Variants in EYA1 observed in about 807,000 individuals in gnomAD.
EYA1 encodes the protein EYA transcriptional coactivator and phosphatase 1.
EYA1 carries 16 observed loss-of-function variants against 82.0 expected under a neutral mutation model. The ratio of observed to expected loss-of-function variants is 0.20; its 90% CI spans 0.13 to 0.30. The LOEUF (loss-of-function observed/expected upper bound fraction) is 0.30. Ranked by LOEUF, EYA1 falls within the 10% of genes least tolerant of loss-of-function variation. The probability of loss-of-function intolerance (pLI) is 1.00; values close to 1 mark genes in which losing one functional copy is unlikely to be tolerated. For synonymous variants in EYA1, 261 were observed against 264.4 expected (o/e 0.99, Z 0.12); for missense variants, 633 against 730.7 (o/e 0.87, Z 1.54).
At chr8:71,463,874 T>C (rs1338233239) in intron 2 of EYA1, among the ~76,000 whole-genome samples, 1 of 152,020 alleles carries the variant, frequency 6.6e-6, no homozygotes, top group Non-Finnish European at 1.5e-5. Flanking sequence ...CCCTAAATGT[T>C]TTCCCTCTTT....
chr8:71,520,566 AC>A (rs1813323995), intron 2 of EYA1, among the ~76,000 whole-genome samples: 1 of 152,182 alleles, frequency 6.6e-6, no homozygotes, highest in Non-Finnish European at 1.5e-5. Context: ...TTGTCTTGCC[AC>A]GTCTAATCCA....
intron 2 of EYA1, among the ~76,000 whole-genome samples, chr8:71,392,739 T>G (rs1829351377): frequency 6.6e-6 from 1 of 152,222 alleles, no homozygotes; most frequent in African/African-American, 2.4e-5. Flanking sequence ...TCATTTCTTC[T>G]AAAATTTCAA....
chr8:71,486,561 T>C (rs1347230029), intron 2 of EYA1, among the ~76,000 whole-genome samples: 2 of 152,170 alleles, frequency 1.3e-5, no homozygotes, highest in East Asian at 3.9e-4. Flanking sequence ...AAGCTGGCTA[T>C]GTGAGTTTCT....
intron 2 of EYA1, among the ~76,000 whole-genome samples, chr8:71,395,426 G>A (rs1829538708): frequency 6.6e-6 from 1 of 152,124 alleles, no homozygotes; most frequent in Non-Finnish European, 1.5e-5. Context: ...TTGGCTGTGG[G>A]TTTGTCATAG....
At chr8:71,495,513 G>A (rs945145206) in intron 2 of EYA1, among the ~76,000 whole-genome samples, 16 of 152,162 alleles carry the variant, frequency 1.1e-4, no homozygotes, top group Admixed American at 8.5e-4. Flanking sequence ...TCGGGAGGCT[G>A]AGGCAGAAGA....
At chr8:71,534,807 C>T (rs1814577892) in intron 2 of EYA1, among the ~76,000 whole-genome samples, 1 of 151,710 alleles carries the variant, frequency 6.6e-6, no homozygotes, top group Non-Finnish European at 1.5e-5. Flanking sequence ...GAGCAGCAAA[C>T]CACCATGTTG....
At chr8:71,385,051 C>T (rs1828901962) in intron 2 of EYA1, among the ~76,000 whole-genome samples, 1 of 151,584 alleles carries the variant, frequency 6.6e-6, no homozygotes, top group African/African-American at 2.4e-5. Context: ...ACTCTGTCAC[C>T]CAGGCTGGAG....
chr8:71,420,226 T>C (rs1831069689), intron 2 of EYA1, among the ~76,000 whole-genome samples: 1 of 152,214 alleles, frequency 6.6e-6, no homozygotes, highest in Non-Finnish European at 1.5e-5. Context: ...AATGTTGCTA[T>C]ATTTGGCTAA....
chr8:71,498,199 G>C (rs1029594418), intron 2 of EYA1, among the ~76,000 whole-genome samples: 1 of 152,130 alleles, frequency 6.6e-6, no homozygotes, highest in Non-Finnish European at 1.5e-5. Flanking sequence ...TGTGGATGTA[G>C]AGTGTTCTCA....
At chr8:71,511,534 C>T (rs990643439) in intron 2 of EYA1, among the ~76,000 whole-genome samples, 1 of 152,124 alleles carries the variant, frequency 6.6e-6, no homozygotes, top group Non-Finnish European at 1.5e-5. Flanking sequence ...AGGAAGATGA[C>T]TGACGGGTCA....
chr8:71,259,262 GAGA>G (rs1335742902), intron 11 of EYA1, among the ~76,000 whole-genome samples: 3 of 152,072 alleles, frequency 2.0e-5, no homozygotes, highest in Non-Finnish European at 4.4e-5. Context: ...CAGCAGACTG[GAGA>G]TGCCCGCCCA....
At chr8:71,227,639 A>C (rs1051283764) in intron 12 of EYA1, among the ~76,000 whole-genome samples, 2 of 152,216 alleles carry the variant, frequency 1.3e-5, no homozygotes, top group African/African-American at 4.8e-5. Flanking sequence ...AAAACAATGA[A>C]CTATAAGCTC....
chr8:71,423,748 A>G (rs1831271631), intron 2 of EYA1, among the ~76,000 whole-genome samples: 1 of 152,130 alleles, frequency 6.6e-6, no homozygotes. Context: ...ATGTACCCAC[A>G]TTTTTTTCTT....
chr8:71,523,291 G>T (rs1394522527), intron 2 of EYA1, among the ~76,000 whole-genome samples: 2 of 146,570 alleles, frequency 1.4e-5, no homozygotes, highest in Non-Finnish European at 3.0e-5. Flanking sequence ...CCATTCTCCT[G>T]CCTCAGCCTC....
chr8:71,440,722 C>G (rs1806370922), intron 2 of EYA1, among the ~76,000 whole-genome samples: 1 of 152,124 alleles, frequency 6.6e-6, no homozygotes, highest in African/African-American at 2.4e-5. Context: ...ACCTGTGTGT[C>G]ATTAGAGATA....
intron 1 of EYA1, among the ~76,000 whole-genome samples, chr8:71,541,095 C>T (rs996018072): frequency 2.0e-5 from 3 of 152,144 alleles, no homozygotes; most frequent in African/African-American, 7.2e-5. Context: ...CTTTGCCTTC[C>T]TAAGGAATTT....
At chr8:71,480,914 T>C (rs971499777) in intron 2 of EYA1, among the ~76,000 whole-genome samples, 1 of 152,320 alleles carries the variant, frequency 6.6e-6, no homozygotes, top group African/African-American at 2.4e-5. Context: ...AATGGCTTTT[T>C]TCCGTGGTCA....
chr8:71,226,478 G>T (rs1253818527), intron 12 of EYA1, among the ~76,000 whole-genome samples: 3 of 151,512 alleles, frequency 2.0e-5, no homozygotes, highest in Non-Finnish European at 4.4e-5. Flanking sequence ...TTTACCACAT[G>T]ATATTAAATA....
upstream of EYA1, among the ~76,000 whole-genome samples, chr8:71,364,418 TAAC>T (rs919078832): frequency 6.6e-6 from 1 of 152,010 alleles, no homozygotes; most frequent in Non-Finnish European, 1.5e-5. Context: ...TTTAAGCTAT[TAAC>T]AACACCTAGT....
Sources: allele counts gnomAD v4.1 joint callset (sites outside exome capture counted in the v4.1 genomes callset), GRCh38; gene constraint gnomAD v4.1.1; transcripts MANE v1.5; gene names NCBI Gene and HGNC (gene_info 2026-07-23, HGNC 2026-07-21).